PRMT8: variants seen among roughly 807,000 people sequenced by gnomAD.
The protein encoded by PRMT8 is protein arginine N-methyltransferase 8.
PRMT8 carries 7 observed loss-of-function variants against 47.1 expected under a neutral mutation model. The ratio of observed to expected loss-of-function variants is 0.15; its 90% CI spans 0.08 to 0.28. The LOEUF (loss-of-function observed/expected upper bound fraction) is 0.28. Among genes scored for constraint, PRMT8 ranks in the 10% least tolerant of loss-of-function variants. The probability of loss-of-function intolerance (pLI) is 1.00; values close to 1 mark genes in which losing one functional copy is unlikely to be tolerated. For missense variants in PRMT8, 237 were observed against 505.4 expected (o/e 0.47, Z 5.09); for synonymous variants, 188 against 186.5 (o/e 1.01, Z -0.07).
chr12:3,530,567 A>C lies in PRMT8; in HGVS notation c.76-10039A>C, dbSNP rs117420289. Among the ~76,000 whole-genome samples, 1,356 of 152,256 alleles carry C rather than the reference A, an allele frequency of 8.9e-3. 8 individuals carry two copies. Among genetic ancestry groups the C allele is most frequent in the Admixed American group, 0.014 (221 of 15,286 alleles). On this transcript the variant is annotated intron_variant, in intron 1 of 9. Transcript: ENST00000382622. The stretch of plus-strand genomic sequence containing the variant: ...CATCAGCGGCTGGAGAAAATGACTG[A>C]TTTTCAATGATGGCTACCTTCCTAA...
chr12:3,558,100 T>G (rs1465771472), intron 4 of PRMT8, among the ~76,000 whole-genome samples: 1 of 151,992 alleles, frequency 6.6e-6, no homozygotes, highest in African/African-American at 2.4e-5. Flanking sequence ...CAGCCATTCA[T>G]AGCAGAGTGT....
At chr12:3,494,084 T>C (rs574614492) in intron 1 of PRMT8, among the ~76,000 whole-genome samples, 3 of 152,266 alleles carry the variant, frequency 2.0e-5, no homozygotes, top group African/African-American at 7.2e-5. Context: ...GCATTTATGG[T>C]AGATGAGAGC....
In PRMT8 at chr12:3,436,562, T is replaced by A. The variant is rs983425994; in HGVS notation, c.48+55120T>A. ...TAGAGTAAAGATTTCATGCCACCAG[T>A]AATTTTTCTAAGAGGAGGCAGGAAT... On this transcript the variant is annotated intron_variant, in intron 1 of 9. Coordinates refer to the PRMT8 transcript ENST00000452611. This position sits in a 1 kb window ranked among gnomAD's most constrained non-coding sequence, Gnocchi z 4.2. Among the ~76,000 whole-genome samples, 2 of 152,126 alleles carry A rather than the reference T, an allele frequency of 1.3e-5. No individual in the cohort carries two copies. Among genetic ancestry groups the A allele is most frequent in the African/African-American group, 2.4e-5 (1 of 41,442 alleles).
intron 2 of PRMT8, among the ~76,000 whole-genome samples, chr12:3,543,908 C>T (rs1038155802): frequency 1.3e-5 from 2 of 152,170 alleles, no homozygotes; most frequent in Non-Finnish European, 2.9e-5. Flanking sequence ...GAAATCTCAG[C>T]GTCTCTAACA....
chr12:3,528,222 C>T (rs1865975131), intron 1 of PRMT8, among the ~76,000 whole-genome samples: 1 of 152,078 alleles, frequency 6.6e-6, no homozygotes, highest in African/African-American at 2.4e-5. Context: ...GAAGATGAAA[C>T]TCTAAAGCCG....
rs1455683911 is a variant in PRMT8, at chr12:3,493,345, A to T, written c.75+1645A>T. On this transcript the variant is annotated intron_variant, in intron 1 of 9. Coordinates refer to ENST00000382622, the MANE Select transcript of PRMT8 (RefSeq NM_019854.5). This position sits in a 1 kb window ranked among gnomAD's most constrained non-coding sequence, Gnocchi z 8.2. ...GCCCTCTGATCGCCCACCCGCCGAA[A>T]GGGTTTCTAAAAATAGCCCAGGGCT... Among the ~76,000 whole-genome samples the T allele has an allele frequency of 6.6e-6, 1 of 152,168 alleles. No homozygotes were observed. The highest frequency in any genetic ancestry group is 1.5e-5 in the Non-Finnish European group (1 of 68,018).
At chr12:3,410,439 C>T (rs1385999373) in intron 1 of PRMT8, among the ~76,000 whole-genome samples, 1 of 152,208 alleles carries the variant, frequency 6.6e-6, no homozygotes, top group Non-Finnish European at 1.5e-5. Flanking sequence ...CTCAAGATCT[C>T]TGATGCCTGT....
chr12:3,526,924 A>G (rs1408932460), intron 1 of PRMT8, among the ~76,000 whole-genome samples: 6 of 152,178 alleles, frequency 3.9e-5, no homozygotes, highest in Admixed American at 2.6e-4. Flanking sequence ...TGTAAAATCT[A>G]AAGTGATAAC....
chr12:3,585,888 G>A (rs1867162181), intron 8 of PRMT8, among the ~76,000 whole-genome samples: 1 of 152,150 alleles, frequency 6.6e-6, no homozygotes, highest in African/African-American at 2.4e-5. Flanking sequence ...TAGGGGTAGT[G>A]AGGGAGCTGG....
chr12:3,578,909 C>G (rs1023390398), intron 7 of PRMT8, among the ~76,000 whole-genome samples: 6 of 152,206 alleles, frequency 3.9e-5, no homozygotes, highest in African/African-American at 1.4e-4. Context: ...AGCATCCTGC[C>G]TGAGAGGTTT....
At chr12:3,427,723 C>T (rs1307238803) in intron 1 of PRMT8, among the ~76,000 whole-genome samples, 1 of 151,952 alleles carries the variant, frequency 6.6e-6, no homozygotes, top group South Asian at 2.1e-4. Flanking sequence ...TGACATGCCT[C>T]AATTTTCTGA....
At chr12:3,435,513 CTTCTTTTTTT>C (rs1339110872) in intron 1 of PRMT8, among the ~76,000 whole-genome samples, 21 of 146,590 alleles carry the variant, frequency 1.4e-4, no homozygotes, top group South Asian at 4.3e-4. Flanking sequence ...TTTTTTTTTT[CTTCTTTTTTT>C]TTCTTTTTTT....
In PRMT8 at chr12:3,580,338, GT is replaced by G. The variant is rs907896458; in HGVS notation, c.829-2719del. Reference sequence around the variant, plus strand: ...CCTGCCAGATGGGGGGTGCGTGTGCGTGTGTGTGTGTGTGTGTGTGTGTGTG... The same window carrying G: ...CCTGCCAGATGGGGGGTGCGTGTGCGGTGTGTGTGTGTGTGTGTGTGTGTG... On this transcript the variant is annotated intron_variant, in intron 7 of 9. Coordinates refer to ENST00000382622, the MANE Select transcript of PRMT8 (RefSeq NM_019854.5). The surrounding 1 kb of genome is among the most constrained non-coding windows in gnomAD (Gnocchi z 4.6). Among the ~76,000 whole-genome samples the G allele has an allele frequency of 3.3e-5, 1 of 30,696 alleles. No individual in the cohort carries two copies. The highest frequency in any genetic ancestry group is 7.4e-5 in the Non-Finnish European group (1 of 13,596). 20.1% of individuals were successfully genotyped at this position (30,696 alleles called of 152,430 possible).
chr12:3,592,462 A>C, intron 9 of PRMT8, 110 bp downstream of exon 9: 1 of 1,254,226 alleles, frequency 8.0e-7, no homozygotes, highest in Non-Finnish European at 1.1e-6. Flanking sequence ...TCAGAAACTT[A>C]CTGAGGCAGG....
At chr12:3,469,387 G>A (rs1004620737) in intron 1 of PRMT8, 1 of 265,924 alleles carries the variant, frequency 3.8e-6, no homozygotes, top group Non-Finnish European at 7.4e-6. Flanking sequence ...AGGGGCAGGA[G>A]CAAAAAGAGC....
intron 2 of PRMT8, among the ~76,000 whole-genome samples, chr12:3,549,221 C>G (rs1334166745): frequency 1.3e-5 from 2 of 152,056 alleles, no homozygotes; most frequent in Non-Finnish European, 2.9e-5. Context: ...TTGTCAAAGC[C>G]CTTTTACTGA....
chr12:3,402,415 G>C (rs1167674934), intron 1 of PRMT8, among the ~76,000 whole-genome samples: 1 of 152,074 alleles, frequency 6.6e-6, no homozygotes, highest in African/African-American at 2.4e-5. Context: ...CATAGGCAGG[G>C]GCAAAGATTT....
chr12:3,557,155 T>C lies in PRMT8; in HGVS notation c.481+3441T>C, dbSNP rs1205878974. On this transcript the variant is annotated intron_variant, in intron 4 of 9. Transcript: ENST00000382622. This position sits in a 1 kb window ranked among gnomAD's most constrained non-coding sequence, Gnocchi z 4.7. ...GCTGGGGGAGTGAGGATTGCTGCGATGTGTCTGATGCCTGTAGAGATGTGT... is the reference window on the plus strand; with the variant it reads ...GCTGGGGGAGTGAGGATTGCTGCGACGTGTCTGATGCCTGTAGAGATGTGT... 6.6e-6 allele frequency among the ~76,000 whole-genome samples: 1 copy of C among 151,982 alleles called. No homozygotes were observed. Among genetic ancestry groups the C allele is most frequent in the African/African-American group, 2.4e-5 (1 of 41,340 alleles).
chr12:3,471,787 GA>G (rs1565416231), intron 1 of PRMT8, among the ~76,000 whole-genome samples: 1 of 152,076 alleles, frequency 6.6e-6, no homozygotes, highest in Non-Finnish European at 1.5e-5. Context: ...GGGCCACCAA[GA>G]CACAACTGGG....
Sources: gnomAD v4.1 joint callset for allele counts (sites outside exome capture counted in the v4.1 genomes callset) on GRCh38, gnomAD v4.1.1 for gene constraint, Gnocchi (gnomAD v3.1) non-coding constraint, MANE v1.5 for transcripts, NCBI Gene and HGNC (gene_info 2026-07-23, HGNC 2026-07-21) for gene names.